Variants in CDH8 observed in about 807,000 individuals in gnomAD.
The protein encoded by CDH8 is cadherin-8.
CDH8 carries 17 observed loss-of-function variants against 68.1 expected under a neutral mutation model. That is an observed-to-expected ratio of 0.25 (90% CI 0.17 to 0.37). The LOEUF is 0.37. Ranked by LOEUF, CDH8 falls within the 10% of genes least tolerant of loss-of-function variation. The pLI is 1.00. For synonymous variants in CDH8, 372 were observed against 365.1 expected (o/e 1.02, Z -0.21); for missense variants, 763 against 999.3 (o/e 0.76, Z 3.19).
chr16:61,755,083 A>C lies in CDH8; in HGVS notation c.1415-27868T>G, dbSNP rs541598371. On this transcript the variant is annotated intron_variant, in intron 8 of 11. Coordinates refer to ENST00000577390, the MANE Select transcript of CDH8 (RefSeq NM_001796.5). ...AAAATATAATTCAGAACTTCAAGTC[A>C]ATATAGGAGATACAAGGCAAACAAC... 4.6e-5 allele frequency among the ~76,000 whole-genome samples: 7 copies of C among 152,320 alleles called. No individual in the cohort carries two copies. The South Asian group carries it at 1.4e-3, about 32-fold the overall frequency.
At chr16:61,677,743 A>G (rs2142792631) in intron 10 of CDH8, among the ~76,000 whole-genome samples, 1 of 152,086 alleles carries the variant, frequency 6.6e-6, no homozygotes, top group Non-Finnish European at 1.5e-5. Context: ...CTGCTACTGT[A>G]AACAAAAAAT....
chr16:61,861,757 C>A (rs536677213), intron 3 of CDH8, among the ~76,000 whole-genome samples: 1 of 151,810 alleles, frequency 6.6e-6, no homozygotes, highest in South Asian at 2.1e-4. Context: ...GTTTTCCAAG[C>A]TTTGGTTCCC....
chr16:61,768,372 T>TCTCTCTCTCTCTCTC (rs1960676792), intron 8 of CDH8, among the ~76,000 whole-genome samples: 1 of 38,938 alleles, frequency 2.6e-5, no homozygotes, highest in Non-Finnish European at 4.4e-5. Context: ...CTCTCTCCCT[T>TCTCTCTCTCTCTCTC]TCTCTCTCTC....
intron 2 of CDH8, among the ~76,000 whole-genome samples, chr16:61,996,512 G>A (rs868587982): frequency 1.4e-4 from 22 of 152,084 alleles, no homozygotes; most frequent in South Asian, 2.1e-4. Context: ...ATATGTAATC[G>A]TATAATATTG....
intron 10 of CDH8, among the ~76,000 whole-genome samples, chr16:61,668,668 G>GAAAAA (rs10650925): frequency 1.4e-5 from 2 of 139,682 alleles, no homozygotes. Flanking sequence ...AACCACTTAG[G>GAAAAA]AAAAAAAAAA....
At chr16:61,771,200 A>C (rs1960768299) in intron 8 of CDH8, among the ~76,000 whole-genome samples, 1 of 151,938 alleles carries the variant, frequency 6.6e-6, no homozygotes, top group Non-Finnish European at 1.5e-5. Context: ...AAGTCACCTG[A>C]CACATCAATT....
At chr16:61,825,650 A>C (rs1226447082) in intron 4 of CDH8, among the ~76,000 whole-genome samples, 1 of 151,890 alleles carries the variant, frequency 6.6e-6, no homozygotes, top group Non-Finnish European at 1.5e-5. Flanking sequence ...AGATGAAATA[A>C]ATAAATGTGT....
At chr16:61,849,569 G>A (rs1398509020) in intron 4 of CDH8, among the ~76,000 whole-genome samples, 1 of 152,116 alleles carries the variant, frequency 6.6e-6, no homozygotes, top group Non-Finnish European at 1.5e-5. Context: ...GGGGGTGTGT[G>A]ATTTTGTAAA....
intron 2 of CDH8, among the ~76,000 whole-genome samples, chr16:61,922,588 GA>G (rs903380599): frequency 1.3e-5 from 2 of 152,072 alleles, no homozygotes; most frequent in African/African-American, 4.8e-5. Flanking sequence ...ATGTACATGT[GA>G]AAAACTTTTT....
chr16:61,746,413 T>C (rs751040764), intron 8 of CDH8, among the ~76,000 whole-genome samples: 22 of 151,950 alleles, frequency 1.4e-4, no homozygotes, highest in Non-Finnish European at 2.9e-4. Flanking sequence ...TTTGTTTTCT[T>C]TCTCTCTGGT....
intron 2 of CDH8, among the ~76,000 whole-genome samples, chr16:61,921,322 C>A: frequency 6.7e-6 from 1 of 150,208 alleles, no homozygotes; most frequent in African/African-American, 2.4e-5. Context: ...GTAAGCTGAA[C>A]TAACCACTTT....
chr16:61,823,119 T>A (rs1445562473), intron 5 of CDH8, among the ~76,000 whole-genome samples: 1 of 151,850 alleles, frequency 6.6e-6, no homozygotes, highest in East Asian at 2.0e-4. Context: ...TTTAAAAAGG[T>A]TGCATTGTTG....
intron 2 of CDH8, among the ~76,000 whole-genome samples, chr16:61,912,221 G>T (rs1056548036): frequency 1.3e-5 from 2 of 151,822 alleles, no homozygotes; most frequent in South Asian, 4.2e-4. Flanking sequence ...TACAATTGAG[G>T]TTTTTAAAAA....
In CDH8 at chr16:61,828,197, A is replaced by G. The variant is rs576837287; in HGVS notation, c.668-3018T>C. Among the ~76,000 whole-genome samples the G allele has an allele frequency of 5.3e-5, 8 of 152,032 alleles. No individual in the cohort carries two copies. In the South Asian group the frequency reaches 1.7e-3, roughly 31 times the overall value. ...TTACTACTGCACTCCCACCGGCACC[A>G]TGACAGTTTACGAATGCCACGGCAA... On this transcript the variant is annotated intron_variant, in intron 4 of 11. Coordinates refer to ENST00000577390, the MANE Select transcript of CDH8 (RefSeq NM_001796.5).
At chr16:61,737,673 A>G (rs1959736726) in intron 8 of CDH8, among the ~76,000 whole-genome samples, 2 of 152,196 alleles carry the variant, frequency 1.3e-5, no homozygotes, top group Admixed American at 6.5e-5. Context: ...TTAGAATGTA[A>G]TTAACCAACG....
chr16:61,939,608 A>T (rs1377384122), intron 2 of CDH8, among the ~76,000 whole-genome samples: 1 of 152,206 alleles, frequency 6.6e-6, no homozygotes, highest in East Asian at 1.9e-4. Context: ...CAAGTTTATT[A>T]TTTATACTGC....
At chr16:61,812,352 A>G (rs1961970727) in intron 7 of CDH8, among the ~76,000 whole-genome samples, 1 of 152,216 alleles carries the variant, frequency 6.6e-6, no homozygotes, top group Admixed American at 6.5e-5. Context: ...GTGGGTATTT[A>G]TATTCAAGAG....
chr16:61,743,342 G>C (rs1384905722), intron 8 of CDH8: 1 of 153,600 alleles, frequency 6.5e-6, no homozygotes, highest in Non-Finnish European at 1.5e-5. Flanking sequence ...CTTCCACGAG[G>C]CGTGCAGCTT....
intron 2 of CDH8, among the ~76,000 whole-genome samples, chr16:61,927,821 T>A (rs943026764): frequency 1.3e-5 from 2 of 152,238 alleles, no homozygotes; most frequent in Non-Finnish European, 2.9e-5. Flanking sequence ...AATGTATCCA[T>A]TTCAAATATA....
Sources: gnomAD v4.1 joint callset for allele counts (sites outside exome capture counted in the v4.1 genomes callset) on GRCh38, gnomAD v4.1.1 for gene constraint, MANE v1.5 for transcripts, NCBI Gene and HGNC (gene_info 2026-07-23, HGNC 2026-07-21) for gene names.